Variants in RBFOX3 observed in about 807,000 individuals in gnomAD.
The protein encoded by RBFOX3 is RNA binding fox-1 homolog 3, also known as RNA binding protein fox-1 homolog 3.
Under a neutral mutation model 48.7 loss-of-function variants are expected in RBFOX3, and 17 were observed. That is an observed-to-expected ratio of 0.35 (90% CI 0.24 to 0.52). RBFOX3 has a LOEUF of 0.52. Among genes scored for constraint, RBFOX3 ranks in the 20% least tolerant of loss-of-function variants. The probability of loss-of-function intolerance (pLI) is 0.94; values close to 1 mark genes in which losing one functional copy is unlikely to be tolerated. For missense variants in RBFOX3, 382 were observed against 497.5 expected (o/e 0.77, Z 2.21); for synonymous variants, 212 against 209.5 (o/e 1.01, Z -0.10).
intron 3 of RBFOX3, among the ~76,000 whole-genome samples, chr17:79,237,666 G>A (rs1299312574): frequency 6.6e-6 from 1 of 152,210 alleles, no homozygotes; most frequent in Non-Finnish European, 1.5e-5. Flanking sequence ...CCTCCCAGCC[G>A]CATCAGGGAG....
chr17:79,132,920 G>A (rs2039317911), intron 4 of RBFOX3: 1 of 152,328 alleles, frequency 6.6e-6, no homozygotes, highest in Non-Finnish European at 1.5e-5. Context: ...GCCCGTGGGA[G>A]GCTCCAGGTC....
chr17:79,092,631 C>T (rs2146127741), intron 14 of RBFOX3: 1 of 986,980 alleles, frequency 1.0e-6, no homozygotes, highest in Non-Finnish European at 1.2e-6. Flanking sequence ...CCCTCCTCGG[C>T]AGAGGCTAGC....
At chr17:79,278,538 C>G (rs762281400) in intron 3 of RBFOX3, among the ~76,000 whole-genome samples, 1 of 68,148 alleles carries the variant, frequency 1.5e-5, no homozygotes, top group Non-Finnish European at 2.9e-5. Context: ...GGTGGGGAAC[C>G]AGGGAGCATG....
chr17:79,536,818 G>A (rs2088844108), intron 1 of RBFOX3, among the ~76,000 whole-genome samples: 1 of 152,212 alleles, frequency 6.6e-6, no homozygotes, highest in Non-Finnish European at 1.5e-5. Flanking sequence ...CGGGTGCGGA[G>A]GCTAACACTG....
Position 79,381,358 on chromosome 17 carries a change from A to G in RBFOX3, c.-174-73534T>C, listed in dbSNP as rs183368412. ...AACATTGTCAGGTCGACATGTGATC[A>G]ATGTAAAAACCATGCATGAGATGGT... On this transcript the variant is annotated intron_variant, in intron 2 of 14. Transcript: ENST00000693108. Among the ~76,000 whole-genome samples the G allele has an allele frequency of 2.9e-3, 448 of 152,332 alleles. 1 individual carries two copies. The highest frequency in any genetic ancestry group is 0.01 in the African/African-American group (436 of 41,586).
intron 4 of RBFOX3, among the ~76,000 whole-genome samples, chr17:79,180,361 G>C (rs546354507): frequency 6.6e-6 from 1 of 152,356 alleles, no homozygotes; most frequent in African/African-American, 2.4e-5. Context: ...TTTAAATGCT[G>C]CATCTTAATG....
chr17:79,106,068 C>T (rs1269875723), intron 6 of RBFOX3, among the ~76,000 whole-genome samples: 1 of 152,246 alleles, frequency 6.6e-6, no homozygotes, highest in Non-Finnish European at 1.5e-5. Context: ...AACAGGCCCT[C>T]GGAGTCCAGC....
At chr17:79,244,213 CAG>C (rs2062805396) in intron 3 of RBFOX3, among the ~76,000 whole-genome samples, 1 of 152,124 alleles carries the variant, frequency 6.6e-6, no homozygotes, top group African/African-American at 2.4e-5. Flanking sequence ...GGAGAGGACA[CAG>C]AGAGACACGC....
intron 4 of RBFOX3, among the ~76,000 whole-genome samples, chr17:79,182,540 C>T (rs927925920): frequency 1.3e-5 from 2 of 151,194 alleles, no homozygotes; most frequent in South Asian, 2.1e-4. Context: ...CCTCCCCCAA[C>T]GCCCCGGCCG....
intron 2 of RBFOX3, among the ~76,000 whole-genome samples, chr17:79,321,705 C>CTTTTTTT (rs55633027): frequency 7.5e-6 from 1 of 134,124 alleles, no homozygotes; most frequent in Non-Finnish European, 1.6e-5. Flanking sequence ...AGGAATCTGG[C>CTTTTTTT]TTTTTTTTTT....
rs1310710338 is a variant in RBFOX3 at position 79,249,710 on chromosome 17, C to T, written c.-73-13905G>A. On this transcript the variant is annotated intron_variant, in intron 3 of 14. Transcript: ENST00000693108. The surrounding 1 kb of genome is among the most constrained non-coding windows in gnomAD (Gnocchi z 4.1). The stretch of plus-strand genomic sequence containing the variant: ...CCTCGCCCGTTCCTTCCTAGGGAAA[C>T]CACAGTCAAGACCCCTGCCCCTGTG... Among the ~76,000 whole-genome samples, 2 of 152,116 alleles carry T rather than the reference C, an allele frequency of 1.3e-5. No individual in the cohort carries two copies. Among genetic ancestry groups the T allele is most frequent in the African/African-American group, 4.8e-5 (2 of 41,398 alleles).
intron 1 of RBFOX3, among the ~76,000 whole-genome samples, chr17:79,548,064 G>C (rs1033445391): frequency 6.6e-6 from 1 of 152,196 alleles, no homozygotes; most frequent in Non-Finnish European, 1.5e-5. Flanking sequence ...AAATATTATG[G>C]AAAAATCAAG....
the RBFOX3 span, among the ~76,000 whole-genome samples, chr17:79,620,149 A>G: frequency 2.1e-5 from 2 of 97,510 alleles, no homozygotes; most frequent in Non-Finnish European, 4.2e-5. Context: ...GCGCACACAC[A>G]TGCACGCGCG....
At chr17:79,190,655 C>G (rs1228363488) in intron 4 of RBFOX3, among the ~76,000 whole-genome samples, 7 of 152,148 alleles carry the variant, frequency 4.6e-5, no homozygotes. Flanking sequence ...CCCTGAGTGC[C>G]AAGAAACTCT....
chr17:79,363,045 C>T lies in RBFOX3; in HGVS notation c.-174-55221G>A, dbSNP rs575364674. On this transcript the variant is annotated intron_variant, in intron 2 of 14. Coordinates refer to ENST00000693108, the MANE Select transcript of RBFOX3 (RefSeq NM_001350451.2). The surrounding 1 kb of genome is among the most constrained non-coding windows in gnomAD (Gnocchi z 4.7). ...TCCAAGTGCAGAAAACGGAGAATTA[C>T]GGGAAAGTAAAAATTCAGAGGCATG... 7.2e-5 allele frequency among the ~76,000 whole-genome samples: 11 copies of T among 152,248 alleles called. No individual in the cohort carries two copies. Among genetic ancestry groups the T allele is most frequent in the Non-Finnish European group, 1.2e-4 (8 of 68,024 alleles).
intron 2 of RBFOX3, among the ~76,000 whole-genome samples, chr17:79,367,153 C>T (rs895515421): frequency 5.3e-5 from 8 of 151,934 alleles, no homozygotes; most frequent in South Asian, 2.1e-4. Flanking sequence ...AGTCGGCTTC[C>T]GGAGGACCCC....
At chr17:79,599,904 G>C (rs1026724737) in intron 1 of RBFOX3, 17 of 152,394 alleles carry the variant, frequency 1.1e-4, no homozygotes, top group Admixed American at 9.1e-4. Flanking sequence ...GCATTTCCAG[G>C]AATGGCAAGT....
chr17:79,383,668 GA>G (rs1253564258), intron 2 of RBFOX3, among the ~76,000 whole-genome samples: 1 of 152,194 alleles, frequency 6.6e-6, no homozygotes, highest in Non-Finnish European at 1.5e-5. Context: ...GCAAGGTCAG[GA>G]AAGTACTAGA....
chr17:79,625,194 C>G, the RBFOX3 span, among the ~76,000 whole-genome samples: 3 of 152,160 alleles, frequency 2.0e-5, no homozygotes, highest in Non-Finnish European at 4.4e-5. Flanking sequence ...CGGGCAACCA[C>G]TGCCTTGCTG....
Sources: gnomAD v4.1 joint callset for allele counts (sites outside exome capture counted in the v4.1 genomes callset) on GRCh38, gnomAD v4.1.1 for gene constraint, Gnocchi (gnomAD v3.1) non-coding constraint, MANE v1.5 for transcripts, NCBI Gene and HGNC (gene_info 2026-07-23, HGNC 2026-07-21) for gene names.